CNTN1: variants seen among roughly 807,000 people sequenced by gnomAD.
CNTN1 encodes the protein contactin-1.
Under a neutral mutation model 126.4 loss-of-function variants are expected in CNTN1, and 38 were observed. The ratio of observed to expected loss-of-function variants is 0.30; its 90% CI spans 0.23 to 0.39. The LOEUF (loss-of-function observed/expected upper bound fraction) is 0.39. Ranked by LOEUF, CNTN1 falls within the 10% of genes least tolerant of loss-of-function variation. CNTN1 has a pLI of 1.00. For synonymous variants in CNTN1, 413 were observed against 422.6 expected (o/e 0.98, Z 0.28); for missense variants, 1,009 against 1,248.4 (o/e 0.81, Z 2.89).
At chr12:40,790,218 A>G (rs1001700775) in intron 1 of CNTN1, among the ~76,000 whole-genome samples, 9 of 152,058 alleles carry the variant, frequency 5.9e-5, no homozygotes, top group Admixed American at 2.6e-4. Flanking sequence ...GGCCTTTGAG[A>G]TTTGTCACAT....
intron 1 of CNTN1, among the ~76,000 whole-genome samples, chr12:40,793,380 T>C (rs973197783): frequency 6.6e-6 from 1 of 151,990 alleles, no homozygotes; most frequent in African/African-American, 2.4e-5. Context: ...GTCTGTCTTT[T>C]GTTACAGAAG....
At chr12:40,928,868 A>T (rs1455654911) in intron 6 of CNTN1, among the ~76,000 whole-genome samples, 1 of 152,030 alleles carries the variant, frequency 6.6e-6, no homozygotes, top group Non-Finnish European at 1.5e-5. Flanking sequence ...CATCTTTAAA[A>T]GAAGCCTGAG....
At chr12:40,839,969 A>G (rs191520681) in intron 1 of CNTN1, among the ~76,000 whole-genome samples, 43 of 152,246 alleles carry the variant, frequency 2.8e-4, no homozygotes, top group African/African-American at 1.0e-3. Context: ...GAAAACAACA[A>G]TATGACAGGA....
At chr12:40,904,143 C>T (rs570936246) in intron 1 of CNTN1, among the ~76,000 whole-genome samples, 28 of 152,114 alleles carry the variant, frequency 1.8e-4, no homozygotes, top group Non-Finnish European at 3.5e-4. Flanking sequence ...CTCAGCCTCC[C>T]GAGTAGCTGG....
intron 7 of CNTN1, among the ~76,000 whole-genome samples, chr12:40,930,882 A>G (rs141117942): frequency 2.2e-3 from 329 of 152,066 alleles, no homozygotes; most frequent in African/African-American, 7.8e-3. Context: ...TTCTTTTCTC[A>G]GTTTTAAGAG....
intron 1 of CNTN1, among the ~76,000 whole-genome samples, chr12:40,721,546 A>G (rs1169897896): frequency 1.4e-5 from 2 of 143,696 alleles, no homozygotes; most frequent in Admixed American, 1.4e-4. Flanking sequence ...TCTTACATTA[A>G]TTATTATTAT....
chr12:40,878,578 G>A (rs139644981), intron 1 of CNTN1, among the ~76,000 whole-genome samples: 2 of 152,050 alleles, frequency 1.3e-5, no homozygotes, highest in Admixed American at 6.6e-5. Context: ...AATCACCTAC[G>A]CAAGATCTTT....
chr12:40,993,343 T>C (rs1192240959), intron 17 of CNTN1, 74 bp downstream of exon 17: 6 of 1,264,060 alleles, frequency 4.7e-6, no homozygotes, highest in Non-Finnish European at 6.8e-6. Context: ...TGGTTGAATG[T>C]ATTTGAAAAT....
Position 41,028,316 on chromosome 12 carries a change from G to A in CNTN1, c.2823+347G>A, listed in dbSNP as rs917090886. 5.3e-5 allele frequency among the ~76,000 whole-genome samples: 8 copies of A among 152,278 alleles called. 1 individual carries two copies. The highest frequency in any genetic ancestry group is 5.2e-4 in the Admixed American group (8 of 15,286). On this transcript the variant is annotated intron_variant, in intron 22 of 23. Transcript: ENST00000551295. Reference sequence around the variant, plus strand: ...CAAAGTGCTGGGATTACAGGCATGAGCCACCACGGCTGGCCCCATTCAACT... The same window carrying A: ...CAAAGTGCTGGGATTACAGGCATGAACCACCACGGCTGGCCCCATTCAACT...
At chr12:40,796,822 T>C (rs1303711799) in intron 1 of CNTN1, among the ~76,000 whole-genome samples, 1 of 152,016 alleles carries the variant, frequency 6.6e-6, no homozygotes, top group Non-Finnish European at 1.5e-5. Flanking sequence ...GTCAGGACTG[T>C]GTGTGTCTAG....
At chr12:40,698,476 T>C (rs1941509974) in intron 1 of CNTN1, among the ~76,000 whole-genome samples, 1 of 151,976 alleles carries the variant, frequency 6.6e-6, no homozygotes, top group African/African-American at 2.4e-5. Context: ...GACCTTGTGA[T>C]CCGCCCGCCT....
intron 1 of CNTN1, among the ~76,000 whole-genome samples, chr12:40,854,811 G>T (rs925267181): frequency 6.6e-6 from 1 of 152,052 alleles, no homozygotes; most frequent in African/African-American, 2.4e-5. Context: ...AGCAGATGGC[G>T]GAAGGAGAAA....
At chr12:40,788,463 T>C (rs1370660714) in intron 1 of CNTN1, among the ~76,000 whole-genome samples, 2 of 152,080 alleles carry the variant, frequency 1.3e-5, no homozygotes, top group Non-Finnish European at 2.9e-5. Context: ...GTTCTGAGCC[T>C]GGCCATGCTC....
At chr12:40,749,439 G>C (rs556830034) in intron 1 of CNTN1, among the ~76,000 whole-genome samples, 1 of 152,130 alleles carries the variant, frequency 6.6e-6, no homozygotes, top group African/African-American at 2.4e-5. Flanking sequence ...AGTACTACTT[G>C]AGACGTCTTT....
chr12:40,899,991 C>A (rs559220997), intron 1 of CNTN1, among the ~76,000 whole-genome samples: 10 of 151,980 alleles, frequency 6.6e-5, no homozygotes, highest in Admixed American at 2.0e-4. Flanking sequence ...GGAATAGAAA[C>A]CCTTGCTCTG....
At chr12:41,006,789 A>C (rs1319374203) in intron 17 of CNTN1, among the ~76,000 whole-genome samples, 1 of 152,188 alleles carries the variant, frequency 6.6e-6, no homozygotes, top group Non-Finnish European at 1.5e-5. Flanking sequence ...GACTGAGTCA[A>C]AGCATTTGCA....
chr12:41,053,428 A>AATATATAT (rs66808071), intron 23 of CNTN1, among the ~76,000 whole-genome samples: 2,392 of 63,916 alleles, frequency 0.037, 136 homozygotes, highest in African/African-American at 0.048. Flanking sequence ...GTTTTCACTA[A>AATATATAT]ATATATATAT....
chr12:40,737,359 G>GTATATATATATATATA (rs57273919), intron 1 of CNTN1, among the ~76,000 whole-genome samples: 18 of 113,266 alleles, frequency 1.6e-4, no homozygotes, highest in African/African-American at 5.0e-4. Flanking sequence ...ATGTGTGTGT[G>GTATATATATATATATA]TATATATATA....
At chr12:40,797,857 A>C (rs1376018442) in intron 1 of CNTN1, among the ~76,000 whole-genome samples, 1 of 152,086 alleles carries the variant, frequency 6.6e-6, no homozygotes, top group Admixed American at 6.6e-5. Context: ...TCTAAGTGGC[A>C]GATGGGTGGA....
Sources: gnomAD v4.1 joint callset for allele counts (sites outside exome capture counted in the v4.1 genomes callset) on GRCh38, gnomAD v4.1.1 for gene constraint, MANE v1.5 for transcripts, NCBI Gene and HGNC (gene_info 2026-07-23, HGNC 2026-07-21) for gene names.